Variants in NIPBL observed in about 807,000 individuals in gnomAD.
NIPBL encodes the protein nipped-B-like protein.
In NIPBL, 19 loss-of-function variants were observed where a neutral mutation model predicts 321.8. The observed-to-expected ratio is 0.06, with a 90% CI of 0.04 to 0.09. NIPBL has a LOEUF of 0.09. Ranked by LOEUF, NIPBL falls within the 10% of genes least tolerant of loss-of-function variation. The pLI, the probability that NIPBL is intolerant of heterozygous loss-of-function variation, is 1.00. For missense variants in NIPBL, 2,210 were observed against 3,327.0 expected (o/e 0.66, Z 8.26); for synonymous variants, 1,106 against 1,114.1 (o/e 0.99, Z 0.14).
At chr5:36,890,011 T>G (rs1336710485) in intron 1 of NIPBL, among the ~76,000 whole-genome samples, 1 of 152,082 alleles carries the variant, frequency 6.6e-6, no homozygotes, top group Non-Finnish European at 1.5e-5. Flanking sequence ...ATAAAAATAT[T>G]TATGATGAAT....
rs1746144232 is a variant in NIPBL, at chr5:36,996,341, T to C, written c.3304+537T>C. ...TAGGAGATAGCCAGATGAAGAAATATTTAAAACCATACTATCACTAAATTA... is the reference window on the plus strand; with the variant it reads ...TAGGAGATAGCCAGATGAAGAAATACTTAAAACCATACTATCACTAAATTA... On this transcript the variant is annotated intron_variant, in intron 11 of 46. Coordinates refer to ENST00000282516, the MANE Select transcript of NIPBL (RefSeq NM_133433.4). This position sits in a 1 kb window ranked among gnomAD's most constrained non-coding sequence, Gnocchi z 5.0. 2.2e-6 allele frequency: 1 copy of C among 447,550 alleles called. No individual in the cohort carries two copies. Among genetic ancestry groups the C allele is most frequent in the Non-Finnish European group, 4.5e-6 (1 of 222,474 alleles). 27.7% of individuals were successfully genotyped at this position (447,550 alleles called of 1,614,324 possible). A position where few individuals can be genotyped will look rare whatever the true frequency, so the allele number is the denominator to read the frequency against.
chr5:37,063,866 G>A lies in NIPBL; in HGVS notation c.7937G>A (p.Arg2646Gln), dbSNP rs1755079990. The A allele has an allele frequency of 1.9e-6, 3 of 1,613,960 alleles. No individual in the cohort carries two copies. The highest frequency in any genetic ancestry group is 2.5e-6 in the Non-Finnish European group (3 of 1,179,984). ...EGEVSASTNA[R>Q]NKAITSLLGG... is the part of the protein sequence containing the mutation. ...GAGGTTTCAGCTAGCACAAATGCTC[G>A]GAACAAAGCAATTACCTCACTGCTT... The change falls in exon 46 of 47, where the codon CGG (arginine) becomes CAG (glutamine). Residue 2646 changes from arginine (R) to glutamine (Q), a missense_variant. Physicochemically the swap from Arg to Gln is conservative, Grantham distance 43. Coordinates refer to ENST00000282516, the MANE Select transcript of NIPBL (RefSeq NM_133433.4).
chr5:36,935,281 T>C (rs1274031306), intron 1 of NIPBL, among the ~76,000 whole-genome samples: 1 of 152,144 alleles, frequency 6.6e-6, no homozygotes, highest in Non-Finnish European at 1.5e-5. Flanking sequence ...CCTGAAAACC[T>C]CCAACATCTC....
intron 38 of NIPBL, among the ~76,000 whole-genome samples, chr5:37,046,989 TA>T (rs1753048021): frequency 2.0e-5 from 3 of 152,172 alleles, no homozygotes; most frequent in Admixed American, 2.0e-4. Context: ...AAAAAAAAAT[TA>T]CACCTGTACT....
chr5:36,926,070 GAAT>G (rs1273114316), intron 1 of NIPBL, among the ~76,000 whole-genome samples: 1 of 152,122 alleles, frequency 6.6e-6, no homozygotes. Flanking sequence ...CTGAATATGA[GAAT>G]AAACATATAT....
At chr5:37,026,548 C>T (rs1299832844) in intron 31 of NIPBL, among the ~76,000 whole-genome samples, 1 of 152,136 alleles carries the variant, frequency 6.6e-6, no homozygotes, top group Admixed American at 6.6e-5. Context: ...GATGTAAACA[C>T]TGATACTGAG....
At chr5:36,943,599 A>C (rs989391474) in intron 1 of NIPBL, among the ~76,000 whole-genome samples, 2 of 152,158 alleles carry the variant, frequency 1.3e-5, no homozygotes, top group African/African-American at 4.8e-5. Flanking sequence ...ATAAATTTGT[A>C]CTAAAGCAGA....
Position 36,885,203 on chromosome 5 carries a change from A to G in NIPBL, c.-80+8025A>G, listed in dbSNP as rs939305561. On this transcript the variant is annotated intron_variant, in intron 1 of 46. Transcript: ENST00000282516. ...TGTCCTCTCGCTCTCCTCCCTGGAC[A>G]GCATGAGCTTCACCACTTGCTCCAC... The G allele has an allele frequency of 1.4e-4, 73 of 533,240 alleles. No individual in the cohort carries two copies. In the Admixed American group the frequency reaches 1.4e-3, roughly 10 times the overall value. The allele number at this position is 533,240 out of a possible 1,614,324, so 33.0% of individuals were successfully genotyped here. A position where few individuals can be genotyped will look rare whatever the true frequency, so the allele number is the denominator to read the frequency against.
intron 6 of NIPBL, 64 bp downstream of exon 6, chr5:36,962,338 T>G: frequency 6.4e-7 from 1 of 1,560,780 alleles, no homozygotes. Context: ...GCAAATTTGT[T>G]TTTTAAAATA....
chr5:36,986,075 A>T lies in NIPBL; in HGVS notation c.2895A>T (p.Lys965Asn). 4 of 1,614,070 alleles carry T rather than the reference A, an allele frequency of 2.5e-6. No individual in the cohort carries two copies. Among genetic ancestry groups the T allele is most frequent in the Non-Finnish European group, 3.4e-6 (4 of 1,179,960 alleles). The part of the protein sequence containing the change: ...NFVIPKIKRD[K>N]DGNVTQETKK... The stretch of plus-strand genomic sequence containing the variant: ...TCATTCCGAAAATCAAGAGGGATAA[A>T]GATGGCAATGTTACTCAGGAGACAA... Residue 965 changes from lysine (K) to asparagine (N), a missense_variant, in exon 10 of 47, where the codon AAA becomes AAT. Physicochemically the swap from Lys to Asn is moderately conservative, Grantham distance 94. Around this residue, in one of 14 missense-constraint regions of NIPBL, gnomAD observed 588 missense variants for 564.1 expected, o/e 1.04. Transcript: ENST00000282516.
intron 21 of NIPBL, among the ~76,000 whole-genome samples, chr5:37,010,866 A>C (rs1443683467): frequency 6.6e-6 from 1 of 152,212 alleles, no homozygotes; most frequent in African/African-American, 2.4e-5. Context: ...ATATATATGC[A>C]TGTTGAGTAT....
chr5:36,885,387 G>C, intron 1 of NIPBL: 1 of 454,438 alleles, frequency 2.2e-6, no homozygotes, highest in Non-Finnish European at 4.3e-6. Context: ...TTGGGGTCCA[G>C]GGGCCTGGCC....
At chr5:36,890,049 T>C (rs1746201544) in intron 1 of NIPBL, among the ~76,000 whole-genome samples, 3 of 152,172 alleles carry the variant, frequency 2.0e-5, no homozygotes, top group Non-Finnish European at 4.4e-5. Context: ...CATATATTAA[T>C]GCTATAAATT....
chr5:37,019,624 C>A (rs969433766), intron 25 of NIPBL, among the ~76,000 whole-genome samples: 7 of 152,130 alleles, frequency 4.6e-5, no homozygotes, highest in Admixed American at 3.3e-4. Flanking sequence ...AATTGTGTGA[C>A]AAGAGAAATA....
chr5:36,991,542 C>T (rs1025425062), intron 10 of NIPBL, among the ~76,000 whole-genome samples: 4 of 151,972 alleles, frequency 2.6e-5, no homozygotes, highest in South Asian at 2.1e-4. Context: ...ATCATTTGAT[C>T]CCTGCCCCCT....
At chr5:37,038,318 A>G (rs1751954670) in intron 33 of NIPBL, among the ~76,000 whole-genome samples, 1 of 152,096 alleles carries the variant, frequency 6.6e-6, no homozygotes, top group African/African-American at 2.4e-5. Flanking sequence ...CCAATACGAC[A>G]TTTATTCCCA....
chr5:36,890,413 T>C (rs1312283751), intron 1 of NIPBL, among the ~76,000 whole-genome samples: 6 of 152,226 alleles, frequency 3.9e-5, no homozygotes, highest in Admixed American at 1.3e-4. Context: ...CATTCACATC[T>C]TAATTCATTC....
chr5:37,050,008 A>T (rs1753361476), intron 40 of NIPBL, among the ~76,000 whole-genome samples: 1 of 152,204 alleles, frequency 6.6e-6, no homozygotes, highest in South Asian at 2.1e-4. Context: ...AAAACATGTT[A>T]ACAAATATTT....
intron 1 of NIPBL, among the ~76,000 whole-genome samples, chr5:36,899,077 G>C (rs956662805): frequency 2.5e-4 from 38 of 152,158 alleles, no homozygotes; most frequent in African/African-American, 8.7e-4. Context: ...TAATGCTGCT[G>C]TATTTCCCAA....
Sources: gnomAD v4.1 joint callset for allele counts (sites outside exome capture counted in the v4.1 genomes callset) on GRCh38, gnomAD v4.1.1 for gene constraint, gnomAD v4.1.1 regional missense constraint, Gnocchi (gnomAD v3.1) non-coding constraint, MANE v1.5 for transcripts, NCBI Gene and HGNC (gene_info 2026-07-23, HGNC 2026-07-21) for gene names.